Variants in SLC1A2 observed in about 807,000 individuals in gnomAD.
The protein encoded by SLC1A2 is solute carrier family 1 member 2, also known as excitatory amino acid transporter 2.
SLC1A2 carries 15 observed loss-of-function variants against 48.8 expected under a neutral mutation model. The ratio of observed to expected loss-of-function variants is 0.31; its 90% CI spans 0.21 to 0.47. The LOEUF is 0.47. Among genes scored for constraint, SLC1A2 ranks in the 20% least tolerant of loss-of-function variants. The pLI, the probability that SLC1A2 is intolerant of heterozygous loss-of-function variation, is 0.99. For missense variants in SLC1A2, 502 were observed against 730.5 expected (o/e 0.69, Z 3.61); for synonymous variants, 279 against 272.6 (o/e 1.02, Z -0.23).
chr11:35,330,402 G>A (rs936648666), intron 1 of SLC1A2, among the ~76,000 whole-genome samples: 1 of 152,238 alleles, frequency 6.6e-6, no homozygotes, highest in Admixed American at 6.5e-5. Context: ...TAATTTCACA[G>A]TAGAGAAAGA....
intron 6 of SLC1A2, among the ~76,000 whole-genome samples, chr11:35,292,932 T>TAAATTTGC (rs1442357156): frequency 1.3e-5 from 2 of 152,154 alleles, no homozygotes; most frequent in Admixed American, 1.3e-4. Flanking sequence ...CTGGAATTTG[T>TAAATTTGC]AAATTTGCAT....
At chr11:35,309,490 C>T (rs1479182241) in intron 4 of SLC1A2, among the ~76,000 whole-genome samples, 4 of 152,140 alleles carry the variant, frequency 2.6e-5, no homozygotes, top group African/African-American at 9.7e-5. Flanking sequence ...CACTTTGGTT[C>T]AAAGTAAGCC....
At chr11:35,269,347 C>T (rs1277227398) in intron 9 of SLC1A2, among the ~76,000 whole-genome samples, 1 of 152,184 alleles carries the variant, frequency 6.6e-6, no homozygotes, top group Non-Finnish European at 1.5e-5. Flanking sequence ...AAGACACTTT[C>T]TCAACCATAA....
At chr11:35,261,942 C>G (rs576583929) in intron 10 of SLC1A2, 1 of 386,406 alleles carries the variant, frequency 2.6e-6, no homozygotes, top group African/African-American at 2.1e-5. Flanking sequence ...CCATTAGCCC[C>G]CCAATTTTTT....
chr11:35,313,112 T>C (rs371318585), intron 3 of SLC1A2, among the ~76,000 whole-genome samples: 2 of 152,364 alleles, frequency 1.3e-5, no homozygotes, highest in East Asian at 3.9e-4. Context: ...TCTCCTTTGT[T>C]TTATGAAGCG....
chr11:35,341,952 A>G (rs1480857331), intron 1 of SLC1A2, among the ~76,000 whole-genome samples: 5 of 152,220 alleles, frequency 3.3e-5, no homozygotes, highest in Non-Finnish European at 5.9e-5. Flanking sequence ...ATGCATTGCT[A>G]TATGAACTGA....
chr11:35,355,377 A>G (rs1194446659), intron 1 of SLC1A2, among the ~76,000 whole-genome samples: 1 of 152,148 alleles, frequency 6.6e-6, no homozygotes, highest in Non-Finnish European at 1.5e-5. Context: ...CTTCACTCCA[A>G]TAATCTTTGA....
intron 1 of SLC1A2, among the ~76,000 whole-genome samples, chr11:35,324,608 T>C (rs955996924): frequency 6.6e-6 from 1 of 152,204 alleles, no homozygotes; most frequent in Non-Finnish European, 1.5e-5. Flanking sequence ...TAAATCTCCT[T>C]GCCAATACAT....
rs561203884 is a variant in SLC1A2 at position 35,253,916 on chromosome 11, G to A, written c.*6978C>T. 5.2e-5 allele frequency: 8 copies of A among 152,530 alleles called. No individual in the cohort carries two copies. In the East Asian group the frequency reaches 1.5e-3, roughly 29 times the overall value. The allele number at this position is 152,530 out of a possible 1,614,324, so 9.4% of individuals were successfully genotyped here. ...GTTACAAACCTATAACATTATTAAA[G>A]GCTAAATTAATATTAAACATATAAC... On this transcript the variant is annotated 3_prime_UTR_variant, in exon 11 of 11. Transcript: ENST00000278379.
chr11:35,287,590 T>C (rs372707876), intron 7 of SLC1A2, among the ~76,000 whole-genome samples: 1 of 152,186 alleles, frequency 6.6e-6, no homozygotes, highest in South Asian at 2.1e-4. Context: ...GTCACTTCAA[T>C]GACATGGAGC....
intron 7 of SLC1A2, among the ~76,000 whole-genome samples, chr11:35,288,507 G>GA (rs1850896909): frequency 6.6e-6 from 1 of 151,960 alleles, no homozygotes; most frequent in African/African-American, 2.4e-5. Context: ...AGGGTTGCCA[G>GA]GACACCAGGA....
chr11:35,286,664 A>G (rs1211667060), intron 8 of SLC1A2, 93 bp downstream of exon 8: 1 of 853,904 alleles, frequency 1.2e-6, no homozygotes, highest in Non-Finnish European at 1.8e-6. Context: ...TTCCACCAGC[A>G]GAAATGAAAT....
chr11:35,256,236 T>C lies in SLC1A2; in HGVS notation c.*4658A>G, dbSNP rs1011188759. 1.3e-5 allele frequency: 2 copies of C among 152,248 alleles called. No homozygotes were observed. Among genetic ancestry groups the C allele is most frequent in the African/African-American group, 4.8e-5 (2 of 41,462 alleles). 9.4% of individuals were successfully genotyped at this position (152,248 alleles called of 1,614,324 possible). On this transcript the variant is annotated 3_prime_UTR_variant, in exon 11 of 11. Coordinates refer to ENST00000278379, the MANE Select transcript of SLC1A2 (RefSeq NM_004171.4). Reference sequence around the variant, plus strand: ...TCTCTATGTCATTGCCTGAATTAGCTGTGTTATGCTACAAAGTTGGATACT... The same window carrying C: ...TCTCTATGTCATTGCCTGAATTAGCCGTGTTATGCTACAAAGTTGGATACT...
chr11:35,390,294 G>A (rs1301204550), intron 1 of SLC1A2, among the ~76,000 whole-genome samples: 1 of 152,110 alleles, frequency 6.6e-6, no homozygotes, highest in Non-Finnish European at 1.5e-5. Context: ...ACAGGCACGT[G>A]CACACACAGG....
intron 1 of SLC1A2, among the ~76,000 whole-genome samples, chr11:35,335,195 ATTG>A (rs1852584540): frequency 6.6e-6 from 1 of 152,136 alleles, no homozygotes; most frequent in Non-Finnish European, 1.5e-5. Flanking sequence ...ATTGTTGTGT[ATTG>A]TTGTATTTTG....
intron 2 of SLC1A2, chr11:35,316,855 C>T (rs1851897614): frequency 2.0e-5 from 3 of 152,882 alleles, no homozygotes. Flanking sequence ...GGAGCTGGAG[C>T]AGATCAAGGC....
chr11:35,287,258 C>T (rs891723017), intron 7 of SLC1A2, among the ~76,000 whole-genome samples: 5 of 149,528 alleles, frequency 3.3e-5, no homozygotes, highest in African/African-American at 1.2e-4. Context: ...TATTGAAGTG[C>T]ATCTGATTGC....
At chr11:35,299,965 C>T (rs954700254) in intron 6 of SLC1A2, among the ~76,000 whole-genome samples, 1 of 152,088 alleles carries the variant, frequency 6.6e-6, no homozygotes, top group African/African-American at 2.4e-5. Context: ...GGCAGACATA[C>T]AGGACCATCC....
At chr11:35,279,092 G>C (rs1850538218) in intron 9 of SLC1A2, among the ~76,000 whole-genome samples, 1 of 152,230 alleles carries the variant, frequency 6.6e-6, no homozygotes, top group Non-Finnish European at 1.5e-5. Context: ...CTACTGGCAA[G>C]TCAGGCAGTT....
Sources: gnomAD v4.1 joint callset for allele counts (sites outside exome capture counted in the v4.1 genomes callset) on GRCh38, gnomAD v4.1.1 for gene constraint, MANE v1.5 for transcripts, NCBI Gene and HGNC (gene_info 2026-07-23, HGNC 2026-07-21) for gene names.